ANKRD13C: variants seen among roughly 807,000 people sequenced by gnomAD.
The protein encoded by ANKRD13C is ankyrin repeat domain 13C.
In ANKRD13C, 16 loss-of-function variants were observed where a neutral mutation model predicts 65.5. The observed-to-expected ratio is 0.24, with a 90% CI of 0.17 to 0.37. ANKRD13C has a LOEUF of 0.37. Among genes scored for constraint, ANKRD13C ranks in the 10% least tolerant of loss-of-function variants. ANKRD13C has a pLI of 1.00. For missense variants in ANKRD13C, 503 were observed against 655.9 expected (o/e 0.77, Z 2.55); for synonymous variants, 235 against 238.7 (o/e 0.98, Z 0.14).
intron 12 of ANKRD13C, among the ~76,000 whole-genome samples, chr1:70,269,932 T>C (rs1678804751): frequency 1.3e-5 from 2 of 152,164 alleles, no homozygotes. Context: ...AATTGATGGA[T>C]AGTGTTAAAG....
chr1:70,271,270 G>A (rs568760448), intron 11 of ANKRD13C, among the ~76,000 whole-genome samples: 4 of 152,212 alleles, frequency 2.6e-5, no homozygotes, highest in African/African-American at 9.6e-5. Flanking sequence ...GCTCTTATGT[G>A]CTTAATATTC....
At chr1:70,265,847 A>AAG (rs1678599030) in intron 12 of ANKRD13C, among the ~76,000 whole-genome samples, 1 of 144,884 alleles carries the variant, frequency 6.9e-6, no homozygotes, top group Non-Finnish European at 1.5e-5. Flanking sequence ...AAAAAAAAAA[A>AAG]AAAAGAAAAG....
At position 70,306,188 on chromosome 1, in the gene ANKRD13C, C is replaced by G. The variant is rs776389814; in HGVS notation, c.776+36G>C. 3 of 1,442,894 alleles carry G rather than the reference C, an allele frequency of 2.1e-6. No homozygotes were observed. In the Admixed American group the frequency reaches 6.6e-5, roughly 32 times the overall value. The allele number at this position is 1,442,894 out of a possible 1,614,324, so 89.4% of individuals were successfully genotyped here. On this transcript the variant is annotated intron_variant, in intron 6 of 12. Transcript: ENST00000370944. ...AAAAAAATCTTCCTCTAAATCTCAACTTTCTTTTACTGAGAAAAAAATCAA... is the reference window on the plus strand; with the variant it reads ...AAAAAAATCTTCCTCTAAATCTCAAGTTTCTTTTACTGAGAAAAAAATCAA...
In ANKRD13C at chr1:70,354,105, C is replaced by T. The variant is rs199780542; in HGVS notation, c.304G>A (p.Ala102Thr). 74 of 1,612,982 alleles carry T rather than the reference C, an allele frequency of 4.6e-5. No homozygotes were observed. The East Asian group carries it at 1.7e-3, about 36-fold the overall frequency. Residue 102 changes from alanine to threonine, a missense_variant, in exon 1 of 13, where the codon GCT becomes ACT. This residue lies in a region of ANKRD13C where 203 missense variants were observed against 177.6 expected (regional missense o/e 1.14). Coordinates refer to ENST00000370944, the MANE Select transcript of ANKRD13C (RefSeq NM_030816.5). ...PALLAGTNPV[A>T]VVADGGSCPA... ...CAACTGCCTCCATCCGCGACGACAG[C>T]AACGGGGTTGGTGCCGGCCAGAAGG... is the stretch of plus-strand genomic sequence containing the variant.
At position 70,260,126 on chromosome 1, in the gene ANKRD13C, T is replaced by C. The variant is rs933779473; in HGVS notation, c.*2591A>G. Among the ~76,000 whole-genome samples, 7 of 152,150 alleles carry C rather than the reference T, an allele frequency of 4.6e-5. No homozygotes were observed. Among genetic ancestry groups the C allele is most frequent in the Non-Finnish European group, 7.4e-5 (5 of 68,002 alleles). The stretch of plus-strand genomic sequence containing the variant: ...CAGTTCTGAGCAGAAGGAAACAGTT[T>C]TTCATCTACTAACATGTATCAGCAG... On this transcript the variant is annotated 3_prime_UTR_variant, in exon 13 of 13. Coordinates refer to ENST00000370944, the MANE Select transcript of ANKRD13C (RefSeq NM_030816.5).
intron 1 of ANKRD13C, among the ~76,000 whole-genome samples, chr1:70,347,692 A>G (rs1024298752): frequency 3.3e-5 from 5 of 152,190 alleles, no homozygotes; most frequent in Admixed American, 1.3e-4. Context: ...AAACACAGCC[A>G]CTTAACCCAA....
Position 70,322,401 on chromosome 1 carries a change from C to G in ANKRD13C, c.577+2452G>C, listed in dbSNP as rs942100176. 3.3e-5 allele frequency among the ~76,000 whole-genome samples: 5 copies of G among 151,998 alleles called. No homozygotes were observed. The South Asian group carries it at 8.3e-4, about 25-fold the overall frequency. On this transcript the variant is annotated intron_variant, in intron 3 of 12. Transcript: ENST00000370944. ...AAGTAATGAAAATATAAGCACCGAG[C>G]AATTATGGTTATATAATTACATAAT...
At chr1:70,275,075 AC>A (rs1477800216) in intron 10 of ANKRD13C, among the ~76,000 whole-genome samples, 2 of 152,212 alleles carry the variant, frequency 1.3e-5, no homozygotes, top group Non-Finnish European at 2.9e-5. Flanking sequence ...AATTTTAATA[AC>A]CACTATTTTT....
intron 2 of ANKRD13C, among the ~76,000 whole-genome samples, chr1:70,325,394 A>G (rs12028257): frequency 0.12 from 17,523 of 152,200 alleles, 1,240 homozygotes; most frequent in East Asian, 0.34. Flanking sequence ...GCTTTCAATA[A>G]GAGTCAGTAA....
chr1:70,274,679 T>C (rs1423771060), intron 11 of ANKRD13C, 41 bp downstream of exon 11: 3 of 1,408,614 alleles, frequency 2.1e-6, no homozygotes, highest in South Asian at 1.2e-5. Flanking sequence ...TAGGGTTTAA[T>C]AGTTTCTTTC....
At chr1:70,293,798 C>T (rs941377303) in intron 8 of ANKRD13C, among the ~76,000 whole-genome samples, 14 of 152,304 alleles carry the variant, frequency 9.2e-5, no homozygotes, top group African/African-American at 3.4e-4. Flanking sequence ...TGGTAATTAT[C>T]AGTTTTTGAA....
intron 5 of ANKRD13C, among the ~76,000 whole-genome samples, chr1:70,309,630 G>A (rs1351393142): frequency 6.7e-6 from 1 of 149,608 alleles, no homozygotes; most frequent in Admixed American, 6.6e-5. Context: ...GAAGGCTGAG[G>A]CAGGAGAATG....
At chr1:70,290,128 TCA>T (rs199963100) in intron 9 of ANKRD13C, among the ~76,000 whole-genome samples, 9,653 of 152,294 alleles carry the variant, frequency 0.063, 400 homozygotes, top group South Asian at 0.21. Context: ...GGGGATAGGA[TCA>T]CACTAAAGTG....
chr1:70,271,759 C>A (rs768579692), intron 11 of ANKRD13C, among the ~76,000 whole-genome samples: 1 of 152,120 alleles, frequency 6.6e-6, no homozygotes, highest in Non-Finnish European at 1.5e-5. Context: ...TTTCGTGGAA[C>A]CTAATGTCAT....
chr1:70,310,877 T>C (rs2101443062), intron 5 of ANKRD13C, among the ~76,000 whole-genome samples: 1 of 152,272 alleles, frequency 6.6e-6, no homozygotes, highest in African/African-American at 2.4e-5. Flanking sequence ...GGAGCTCCTT[T>C]ACTACACAAG....
chr1:70,276,681 T>G, intron 10 of ANKRD13C, 84 bp downstream of exon 10: 2 of 1,112,598 alleles, frequency 1.8e-6, no homozygotes, highest in Non-Finnish European at 2.6e-6. Context: ...CCAAAATAAT[T>G]TACGCCAAAA....
chr1:70,267,074 T>C (rs1678660330), intron 12 of ANKRD13C, among the ~76,000 whole-genome samples: 1 of 152,210 alleles, frequency 6.6e-6, no homozygotes, highest in Non-Finnish European at 1.5e-5. Context: ...TTCCATTCTT[T>C]CAATTTTTGT....
rs766689659 is a variant in ANKRD13C at position 70,354,618 on chromosome 1, A to T, written c.-210T>A. 1.7e-4 allele frequency: 204 copies of T among 1,219,060 alleles called. No homozygotes were observed. Among genetic ancestry groups the T allele is most frequent in the Non-Finnish European group, 2.2e-4 (195 of 904,022 alleles). 75.5% of individuals were successfully genotyped at this position (1,219,060 alleles called of 1,614,324 possible). A position where few individuals can be genotyped will look rare whatever the true frequency, so the allele number is the denominator to read the frequency against. ...GAAGGGACGCGCGCTCGCTGGGGGA[A>T]GCTAGAACTCAGGTGCCCACGACAC... On this transcript the variant is annotated 5_prime_UTR_variant, in exon 1 of 13. Transcript: ENST00000370944.
intron 8 of ANKRD13C, among the ~76,000 whole-genome samples, chr1:70,293,978 G>A (rs1032893821): frequency 2.6e-5 from 4 of 152,178 alleles, no homozygotes; most frequent in Non-Finnish European, 5.9e-5. Flanking sequence ...GGACACAAAT[G>A]TGACTATTCA....
Sources: allele counts gnomAD v4.1 joint callset (sites outside exome capture counted in the v4.1 genomes callset), GRCh38; gene constraint gnomAD v4.1.1; regional missense constraint gnomAD v4.1.1; transcripts MANE v1.5; gene names NCBI Gene and HGNC (gene_info 2026-07-23, HGNC 2026-07-21).